The following HMG20A variants were observed in gnomAD, a reference collection of about 807,000 sequenced individuals.
HMG20A encodes high mobility group 20A, also known as high mobility group protein 20A.
HMG20A carries 17 observed loss-of-function variants against 43.9 expected under a neutral mutation model. The observed-to-expected ratio is 0.39, with a 90% CI of 0.27 to 0.58. The LOEUF (loss-of-function observed/expected upper bound fraction) is 0.58. Ranked by LOEUF, HMG20A falls within the 20% of genes least tolerant of loss-of-function variation. The probability of loss-of-function intolerance (pLI) is 0.59; values close to 1 mark genes in which losing one functional copy is unlikely to be tolerated. For synonymous variants in HMG20A, 132 were observed against 147.5 expected, an observed-to-expected ratio of 0.89 and a Z score of 0.76; for missense variants, 341 against 438.2, an observed-to-expected ratio of 0.78 and a Z score of 1.98.
At chr15:77,515,595 A>T in the HMG20A span, among the ~76,000 whole-genome samples, 38,062 of 151,864 alleles carry the variant, frequency 0.25, 5,342 homozygotes, top group Non-Finnish European at 0.32. Flanking sequence ...TCGCCTGAAA[A>T]CTGCTGATTA....
intron 5 of HMG20A, 36 bp downstream of exon 5, chr15:77,471,078 TTG>T: frequency 1.3e-6 from 2 of 1,596,186 alleles, no homozygotes; most frequent in Non-Finnish European, 1.7e-6. Context: ...TTGTAGTTTG[TTG>T]TGGGTGATGG....
intron 3 of HMG20A, among the ~76,000 whole-genome samples, chr15:77,465,260 CAAAAAAAA>C (rs71145837): frequency 6.8e-5 from 4 of 59,216 alleles, no homozygotes; most frequent in South Asian, 9.8e-4. Flanking sequence ...GACTTCGTCT[CAAAAAAAA>C]AAAAAAAAAA....
At chr15:77,473,038 A>T (rs1419544016) in intron 6 of HMG20A, among the ~76,000 whole-genome samples, 1 of 152,188 alleles carries the variant, frequency 6.6e-6, no homozygotes, top group East Asian at 1.9e-4. Context: ...GAATTTTCTG[A>T]TGTACTCTTT....
intron 1 of HMG20A, among the ~76,000 whole-genome samples, chr15:77,445,368 A>G (rs1264279783): frequency 1.3e-5 from 2 of 152,204 alleles, no homozygotes; most frequent in Admixed American, 1.3e-4. Flanking sequence ...GTTTGGGTTC[A>G]GATACTAGGG....
chr15:77,481,947 C>G (rs1223321175), intron 9 of HMG20A: 1 of 152,112 alleles, frequency 6.6e-6, no homozygotes, highest in African/African-American at 2.4e-5. Flanking sequence ...CTGTCAGGAG[C>G]CAGTGAGTGA....
the HMG20A span, among the ~76,000 whole-genome samples, chr15:77,496,721 C>G: frequency 6.6e-6 from 1 of 152,126 alleles, no homozygotes; most frequent in Admixed American, 6.5e-5. Context: ...CAGAGGTGGT[C>G]CCGCCAAGCG....
intron 1 of HMG20A, among the ~76,000 whole-genome samples, chr15:77,422,361 T>A (rs181068804): frequency 3.0e-4 from 45 of 152,340 alleles, no homozygotes; most frequent in African/African-American, 1.1e-3. Context: ...GTCACGCCTG[T>A]AATCACAGCA....
At position 77,471,042 on chromosome 15, in the gene HMG20A, G is replaced by A; in HGVS notation, c.583G>A (p.Asp195Asn). The A allele has an allele frequency of 6.2e-7, 1 of 1,608,720 alleles. No homozygotes were observed. Among genetic ancestry groups the A allele is most frequent in the Non-Finnish European group, 8.5e-7 (1 of 1,178,508 alleles). The change falls in exon 5 of 10, where the codon GAT (aspartate) becomes AAT (asparagine). Residue 195 changes from aspartate to asparagine, a missense_variant and splice_region_variant. By Grantham distance (23) the Asp-to-Asn change is conservative (BLOSUM62 1). Coordinates refer to ENST00000336216, the MANE Select transcript of HMG20A (RefSeq NM_001304504.2). ...TCAGAAAGGCAAATCTCATAGGCAAGGTATCAAAACCAGAACCAAATGTAT... is the reference window on the plus strand; with the variant it reads ...TCAGAAAGGCAAATCTCATAGGCAAAGTATCAAAACCAGAACCAAATGTAT... Reference protein sequence around the residue: ...DRQKGKSHRQDAARQATHDHE... With the variant: ...DRQKGKSHRQNAARQATHDHE...
intron 1 of HMG20A, among the ~76,000 whole-genome samples, chr15:77,442,241 A>T (rs997281810): frequency 6.6e-6 from 1 of 152,186 alleles, no homozygotes; most frequent in African/African-American, 2.4e-5. Flanking sequence ...GTGTATTTTC[A>T]TGTAACTTAT....
chr15:77,426,409 TTACAA>T (rs2073428401), intron 1 of HMG20A, among the ~76,000 whole-genome samples: 1 of 152,212 alleles, frequency 6.6e-6, no homozygotes, highest in African/African-American at 2.4e-5. Flanking sequence ...TACTGTATTC[TTACAA>T]TAAGCTAGAG....
At chr15:77,487,481 G>A (rs891343709), downstream of HMG20A, among the ~76,000 whole-genome samples, 1 of 152,162 alleles carries the variant, frequency 6.6e-6, no homozygotes, top group Non-Finnish European at 1.5e-5. Flanking sequence ...CGGAGAGCCA[G>A]AAAGCCAAAA....
In HMG20A at chr15:77,461,446, G is replaced by A. The variant is rs567045538; in HGVS notation, c.90-2794G>A. On this transcript the variant is annotated intron_variant, in intron 2 of 9. Coordinates refer to ENST00000336216, the MANE Select transcript of HMG20A (RefSeq NM_001304504.2). ...TTGGACTGATCCTGTAGAGAGAAAAGAATTGGTATTGCCAGAAAGGACAGA... is the reference window on the plus strand; with the variant it reads ...TTGGACTGATCCTGTAGAGAGAAAAAAATTGGTATTGCCAGAAAGGACAGA... 7.9e-5 allele frequency among the ~76,000 whole-genome samples: 12 copies of A among 152,274 alleles called. No individual in the cohort carries two copies. The South Asian group carries it at 2.5e-3, about 32-fold the overall frequency.
chr15:77,512,912 C>T, the HMG20A span, among the ~76,000 whole-genome samples: 1 of 152,096 alleles, frequency 6.6e-6, no homozygotes, highest in Admixed American at 6.6e-5. Context: ...CCACGAATAA[C>T]CTGACAGGAT....
chr15:77,441,316 C>T (rs1185112982), intron 1 of HMG20A, among the ~76,000 whole-genome samples: 10 of 152,092 alleles, frequency 6.6e-5, no homozygotes, highest in Non-Finnish European at 1.5e-4. Context: ...TTCAGAAGTG[C>T]ATACCATGCT....
chr15:77,434,851 C>T (rs1432477869), intron 1 of HMG20A, among the ~76,000 whole-genome samples: 1 of 152,130 alleles, frequency 6.6e-6, no homozygotes, highest in African/African-American at 2.4e-5. Context: ...CAAAGGTGAT[C>T]ATACACCCTC....
intron 7 of HMG20A, chr15:77,478,030 A>C: frequency 1.9e-6 from 1 of 538,650 alleles, no homozygotes; most frequent in Non-Finnish European, 3.3e-6. Context: ...AGCAAAAACT[A>C]ACAAACAAAA....
the HMG20A span, among the ~76,000 whole-genome samples, chr15:77,493,220 G>T: frequency 4.9e-3 from 744 of 152,276 alleles, 4 homozygotes; most frequent in African/African-American, 0.017. Context: ...TAGTAGTAGC[G>T]TGTGTCAGCA....
chr15:77,452,779 T>TTAAAA (rs2142315004), intron 1 of HMG20A, among the ~76,000 whole-genome samples: 1 of 152,268 alleles, frequency 6.6e-6, no homozygotes, highest in South Asian at 2.1e-4. Context: ...AAAACGTTTG[T>TTAAAA]ATTTCAAAGA....
intron 2 of HMG20A, among the ~76,000 whole-genome samples, chr15:77,459,372 A>G (rs1469891057): frequency 1.3e-5 from 2 of 152,256 alleles, no homozygotes; most frequent in Non-Finnish European, 2.9e-5. Context: ...AGCATTGATC[A>G]AAATAGATAA....
Sources: gnomAD v4.1 joint callset for allele counts (sites outside exome capture counted in the v4.1 genomes callset) on GRCh38, gnomAD v4.1.1 for gene constraint, MANE v1.5 for transcripts, NCBI Gene and HGNC (gene_info 2026-07-23, HGNC 2026-07-21) for gene names.